Variants in CHL1 observed in about 807,000 individuals in gnomAD.
CHL1 encodes the protein cell adhesion molecule L1 like.
A neutral mutation model predicts 141.9 loss-of-function variants in CHL1; 96 were observed. The ratio of observed to expected loss-of-function variants is 0.68; its 90% CI spans 0.57 to 0.80. The LOEUF (loss-of-function observed/expected upper bound fraction) is 0.80. Among genes scored for constraint, CHL1 ranks in the 30% least tolerant of loss-of-function variants. CHL1 has a pLI of 0.00. For missense variants in CHL1, 1,820 were observed against 1,457.2 expected (o/e 1.25, Z -4.05); for synonymous variants, 613 against 502.2 (o/e 1.22, Z -2.95).
At chr3:307,510 A>T (rs1403177291) in intron 2 of CHL1, among the ~76,000 whole-genome samples, 1 of 152,218 alleles carries the variant, frequency 6.6e-6, no homozygotes, top group Admixed American at 6.5e-5. Flanking sequence ...AAAAACACTC[A>T]TTGCAAAAAT....
At chr3:382,043 TG>T (rs1707106566) in intron 16 of CHL1, 135 bp from the exon 17 acceptor site, 2 of 460,698 alleles carry the variant, frequency 4.3e-6, no homozygotes, top group Middle Eastern at 4.0e-4. Context: ...ATATGTGGGG[TG>T]GGGGGCGGGG....
intron 4 of CHL1, 145 bp downstream of exon 4, chr3:326,209 C>T: frequency 2.2e-6 from 1 of 456,994 alleles, no homozygotes; most frequent in Admixed American, 4.4e-5. Flanking sequence ...TCCATGCAAA[C>T]AAAAAAAAAA....
At chr3:394,359 C>T (rs6442824) in intron 23 of CHL1, among the ~76,000 whole-genome samples, 130,338 of 152,040 alleles carry the variant, frequency 0.86, 58,792 homozygotes, top group East Asian at 1. Flanking sequence ...ATTATTAATG[C>T]GTATTATGAA....
chr3:337,517 T>A (rs1036617035), intron 5 of CHL1, among the ~76,000 whole-genome samples: 1 of 138,454 alleles, frequency 7.2e-6, no homozygotes, highest in Non-Finnish European at 1.6e-5. Context: ...CCCTCCCCTC[T>A]CCCCCCACCC....
At chr3:293,869 C>T (rs907750768) in intron 2 of CHL1, among the ~76,000 whole-genome samples, 7 of 146,778 alleles carry the variant, frequency 4.8e-5, no homozygotes, top group African/African-American at 1.5e-4. Context: ...TCAAGCAATT[C>T]TCCTGCCTCA....
intron 2 of CHL1, among the ~76,000 whole-genome samples, chr3:296,607 T>A (rs1698208338): frequency 6.6e-6 from 1 of 152,166 alleles, no homozygotes; most frequent in Non-Finnish European, 1.5e-5. Context: ...CACACTTGGG[T>A]CACATTTTGG....
rs1326369471 is a variant in CHL1, at chr3:379,856, T to C, written c.1876+1914T>C. The stretch of plus-strand genomic sequence containing the variant: ...GATTTACCAAAGCATCTCTCGACAA[T>C]TGACAATAAAAAAATAATTATATAG... On this transcript the variant is annotated intron_variant, in intron 16 of 27. Coordinates refer to ENST00000256509, the MANE Select transcript of CHL1 (RefSeq NM_006614.4). 2.6e-5 allele frequency among the ~76,000 whole-genome samples: 4 copies of C among 152,062 alleles called. No individual in the cohort carries two copies. The East Asian group carries it at 7.7e-4, about 29-fold the overall frequency.
At chr3:359,282 G>C (rs902154367) in intron 11 of CHL1, among the ~76,000 whole-genome samples, 1 of 151,784 alleles carries the variant, frequency 6.6e-6, no homozygotes, top group African/African-American at 2.4e-5. Context: ...AGAAATGTTA[G>C]GTATTCTTTT....
intron 2 of CHL1, among the ~76,000 whole-genome samples, chr3:285,084 T>C (rs764537293): frequency 1.5e-4 from 23 of 152,256 alleles, no homozygotes; most frequent in Admixed American, 2.6e-4. Context: ...TATTTGTGTG[T>C]TTAAACATGC....
intron 10 of CHL1, among the ~76,000 whole-genome samples, chr3:352,309 T>A (rs765002584): frequency 1.1e-4 from 16 of 152,126 alleles, no homozygotes; most frequent in Non-Finnish European, 2.2e-4. Flanking sequence ...GAAGAAACAG[T>A]TTTACTAAAA....
intron 6 of CHL1, among the ~76,000 whole-genome samples, chr3:341,686 C>A (rs1022467957): frequency 3.3e-5 from 5 of 152,096 alleles, no homozygotes. Context: ...TGGTGGACTT[C>A]TTTGGTTAAT....
chr3:196,885 G>A lies in CHL1; in HGVS notation c.-353G>A, dbSNP rs1332723499. 6.5e-6 allele frequency: 1 copy of A among 152,696 alleles called. No homozygotes were observed. Among genetic ancestry groups the A allele is most frequent in the Non-Finnish European group, 1.5e-5 (1 of 68,462 alleles). 9.5% of individuals were successfully genotyped at this position (152,696 alleles called of 1,614,324 possible). A position where few individuals can be genotyped will look rare whatever the true frequency, so the allele number is the denominator to read the frequency against. ...GAGAGCCAGCGGCGGGAGGGGACGG[G>A]CGGGACCTCCGCGGACAGCCCCGGG... is the stretch of plus-strand genomic sequence containing the variant. On this transcript the variant is annotated 5_prime_UTR_variant, in exon 1 of 28. Transcript: ENST00000256509.
intron 1 of CHL1, among the ~76,000 whole-genome samples, chr3:242,528 A>G (rs11720237): frequency 0.26 from 39,710 of 151,068 alleles, 5,896 homozygotes; most frequent in Middle Eastern, 0.34. Flanking sequence ...CCAGGGAGGC[A>G]GAGCTTGCAG....
intron 11 of CHL1, among the ~76,000 whole-genome samples, chr3:356,424 T>A (rs1703720913): frequency 6.6e-6 from 1 of 152,198 alleles, no homozygotes. Flanking sequence ...TATGGGGTAC[T>A]TTCTATGTTC....
chr3:263,353 T>C (rs1253959118), intron 2 of CHL1, among the ~76,000 whole-genome samples: 3 of 152,020 alleles, frequency 2.0e-5, no homozygotes, highest in Non-Finnish European at 4.4e-5. Context: ...AAAGCCAAAG[T>C]GCTTGCTGAA....
intron 2 of CHL1, 129 bp from the exon 3 acceptor site, chr3:319,554 G>T: frequency 2.3e-6 from 1 of 442,328 alleles, no homozygotes; most frequent in Non-Finnish European, 3.9e-6. Flanking sequence ...GGAGTTATGA[G>T]AGAACAGTTT....
intron 1 of CHL1, among the ~76,000 whole-genome samples, chr3:240,555 T>A (rs1170327280): frequency 8.5e-5 from 13 of 152,248 alleles, no homozygotes; most frequent in Non-Finnish European, 1.8e-4. Context: ...GGGTTGTCTA[T>A]TTATTCTGCT....
intron 5 of CHL1, among the ~76,000 whole-genome samples, chr3:338,073 C>T (rs1369115872): frequency 1.3e-5 from 2 of 152,120 alleles, no homozygotes; most frequent in Non-Finnish European, 1.5e-5. Context: ...ACCATGTTAG[C>T]CAGGATGGTC....
chr3:246,280 T>A (rs1574846585), intron 2 of CHL1, among the ~76,000 whole-genome samples: 1 of 152,218 alleles, frequency 6.6e-6, no homozygotes, highest in East Asian at 1.9e-4. Flanking sequence ...ATTATTTCTC[T>A]TGACATTATG....
Sources: gnomAD v4.1 joint callset for allele counts (sites outside exome capture counted in the v4.1 genomes callset) on GRCh38, gnomAD v4.1.1 for gene constraint, MANE v1.5 for transcripts, NCBI Gene and HGNC (gene_info 2026-07-23, HGNC 2026-07-21) for gene names.